DMRTA1: variants seen among roughly 807,000 people sequenced by gnomAD.
DMRTA1 encodes DMRT like family A1.
Under a neutral mutation model 35.2 loss-of-function variants are expected in DMRTA1, and 34 were observed. That is an observed-to-expected ratio of 0.97 (90% CI 0.74 to 1.29). The LOEUF (loss-of-function observed/expected upper bound fraction) is 1.29, where lower values mean the gene tolerates loss of function less well. Ranked by LOEUF, DMRTA1 falls within the 50% of genes most tolerant of loss-of-function variation. The pLI, the probability that DMRTA1 is intolerant of heterozygous loss-of-function variation, is 0.00. For missense variants in DMRTA1, 824 were observed against 644.6 expected (o/e 1.28, Z -3.01); for synonymous variants, 344 against 276.6 (o/e 1.24, Z -2.42).
At chr9:22,449,421 A>T (rs1178505595) in intron 1 of DMRTA1, among the ~76,000 whole-genome samples, 4 of 152,228 alleles carry the variant, frequency 2.6e-5, no homozygotes, top group Non-Finnish European at 5.9e-5. Context: ...TATAAGTGGT[A>T]TTATATTTTA....
At chr9:22,449,351 A>G (rs997095131) in intron 1 of DMRTA1, among the ~76,000 whole-genome samples, 3 of 152,228 alleles carry the variant, frequency 2.0e-5, no homozygotes, top group Non-Finnish European at 4.4e-5. Flanking sequence ...GGCTTAATAT[A>G]CAATGATAAA....
rs1447897564 is a variant in DMRTA1, at chr9:22,451,587, A to G, written c.1191A>G (p.Gly397=). The change falls in exon 2 of 2, where the codon GGA becomes GGG. Residue 397 remains glycine (G), a synonymous_variant. Transcript: ENST00000325870. ...GAGCTTCAAGTTTTAGTCTTGCTGG[A>G]ATTGGTTTTGGAACTCTAGGTAATA... is the stretch of plus-strand genomic sequence containing the variant. ...FQRASSFSLA[G]IGFGTLGNKS... is the part of the protein sequence containing the mutation. 1.9e-6 allele frequency: 3 copies of G among 1,614,004 alleles called. No homozygotes were observed. In the East Asian group the frequency reaches 6.7e-5, roughly 36 times the overall value.
chr9:22,448,936 T>TAAGTAAAAGTGCTATGAAAGAG (rs1377834829), intron 1 of DMRTA1, among the ~76,000 whole-genome samples: 4 of 152,332 alleles, frequency 2.6e-5, no homozygotes, highest in Non-Finnish European at 5.9e-5. Flanking sequence ...GCACAGTTAT[T>TAAGTAAAAGTGCTATGAAAGAG]AAGTAAAAGT....
Position 22,451,726 on chromosome 9 carries a change from G to A in DMRTA1, c.1330G>A (p.Ala444Thr). ...ISPLRLAYSS[A>T]GRGLSGFMSP... ...TCCATTAAGGCTGGCATATTCTTCT[G>A]CAGGAAGAGGGTTATCTGGTTTTAT... Residue 444 changes from alanine (A) to threonine (T), a missense_variant, in exon 2 of 2, where the codon GCA becomes ACA. Physicochemically the swap from Ala to Thr is moderately conservative, Grantham distance 58. Transcript: ENST00000325870. 6.2e-7 allele frequency: 1 copy of A among 1,614,090 alleles called. No individual in the cohort carries two copies. The highest frequency in any genetic ancestry group is 8.5e-7 in the Non-Finnish European group (1 of 1,179,936).
intron 1 of DMRTA1, among the ~76,000 whole-genome samples, chr9:22,449,774 G>C (rs1430526013): frequency 6.6e-6 from 1 of 151,948 alleles, no homozygotes; most frequent in Admixed American, 6.6e-5. Context: ...ACAGCATTTT[G>C]AACTTCAAAA....
chr9:22,454,107 T>C lies in DMRTA1; in HGVS notation c.*2196T>C, dbSNP rs1818973243. On this transcript the variant is annotated 3_prime_UTR_variant, in exon 2 of 2. Transcript: ENST00000325870. ...ACATTCCATACTCTTTATAATAATTTAAGGACTTAATCTTATCAAATAGGT... is the reference window on the plus strand; with the variant it reads ...ACATTCCATACTCTTTATAATAATTCAAGGACTTAATCTTATCAAATAGGT... The C allele has an allele frequency of 6.6e-6, 1 of 152,092 alleles. No homozygotes were observed. The highest frequency in any genetic ancestry group is 2.1e-4 in the South Asian group (1 of 4,828). 9.4% of individuals were successfully genotyped at this position (152,092 alleles called of 1,614,324 possible).
intron 1 of DMRTA1, among the ~76,000 whole-genome samples, chr9:22,448,466 C>T (rs946473295): frequency 1.3e-5 from 2 of 152,078 alleles, no homozygotes; most frequent in African/African-American, 4.8e-5. Flanking sequence ...GGTTTTTTAT[C>T]CAAGGAGTTT....
At position 22,455,613 on chromosome 9, in the gene DMRTA1, G is replaced by C. The variant is rs1818993384; in HGVS notation, c.*3702G>C. On this transcript the variant is annotated 3_prime_UTR_variant, in exon 2 of 2. Coordinates refer to ENST00000325870, the MANE Select transcript of DMRTA1 (RefSeq NM_022160.3). ...CAGCCATCACTAGAGCAGCGTACAG[G>C]CTTAGTTCCAGACTTCGTGTTTGGT... 6.6e-6 allele frequency: 1 copy of C among 152,176 alleles called. No individual in the cohort carries two copies. Among genetic ancestry groups the C allele is most frequent in the Non-Finnish European group, 1.5e-5 (1 of 68,038 alleles). The allele number at this position is 152,176 out of a possible 1,614,324, so 9.4% of individuals were successfully genotyped here. A position where few individuals can be genotyped will look rare whatever the true frequency, so the allele number is the denominator to read the frequency against.
At position 22,447,401 on chromosome 9, in the gene DMRTA1, C is replaced by G. The variant is rs1198824214; in HGVS notation, c.336C>G (p.His112Gln). ...NHGVVSALKG[H>Q]KRFCRWRDCA... ...GTGTGGTGTCAGCGCTCAAGGGCCA[C>G]AAGCGCTTCTGCCGCTGGCGGGACT... The change falls in exon 1 of 2, where the codon CAC becomes CAG. Residue 112 changes from histidine to glutamine, a missense_variant. His to Gln is a conservative substitution (Grantham distance 24, BLOSUM62 0). Transcript: ENST00000325870. 3 of 1,554,516 alleles carry G rather than the reference C, an allele frequency of 1.9e-6. No individual in the cohort carries two copies. The highest frequency in any genetic ancestry group is 2.6e-6 in the Non-Finnish European group (3 of 1,151,712).
rs961189914 is a variant in DMRTA1, at chr9:22,452,504, A to G, written c.*593A>G. 1 of 152,198 alleles carries G rather than the reference A, an allele frequency of 6.6e-6. No homozygotes were observed. The highest frequency in any genetic ancestry group is 2.4e-5 in the African/African-American group (1 of 41,450). 9.4% of individuals were successfully genotyped at this position (152,198 alleles called of 1,614,324 possible). On this transcript the variant is annotated 3_prime_UTR_variant, in exon 2 of 2. Coordinates refer to ENST00000325870, the MANE Select transcript of DMRTA1 (RefSeq NM_022160.3). ...ATATTTCCTGAGTATTTTATTTTTC[A>G]ATCTTAGCTTCCATGAGTGAAAACA... is the stretch of plus-strand genomic sequence containing the variant.
Position 22,451,255 on chromosome 9 carries a change from G to A in DMRTA1, c.859G>A (p.Gly287Arg), listed in dbSNP as rs1348629710. 4.3e-6 allele frequency: 7 copies of A among 1,613,972 alleles called. No homozygotes were observed. Among genetic ancestry groups the A allele is most frequent in the South Asian group, 1.1e-5 (1 of 91,082 alleles). ...ILSPHPGEQSGGEESPRSLSS... is the reference protein window; with the variant it reads ...ILSPHPGEQSRGEESPRSLSS... ...GTCTCCTCATCCTGGAGAGCAATCA[G>A]GAGGTGAAGAGAGTCCCAGGTCCTT... Residue 287 changes from glycine to arginine, a missense_variant, in exon 2 of 2, where the codon GGA (glycine) becomes AGA (arginine). By Grantham distance (125) the Gly-to-Arg change is moderately radical (BLOSUM62 -2). Transcript: ENST00000325870.
chr9:22,447,884 A>G (rs1818864850), intron 1 of DMRTA1, 152 bp downstream of exon 1: 1 of 894,692 alleles, frequency 1.1e-6, no homozygotes, highest in Non-Finnish European at 1.7e-6. Context: ...ATGGACATTA[A>G]TGAGAGTGTG....
chr9:22,452,504 A>T lies in DMRTA1; in HGVS notation c.*593A>T, dbSNP rs961189914. The T allele has an allele frequency of 2.0e-5, 3 of 152,198 alleles. No homozygotes were observed. The highest frequency in any genetic ancestry group is 7.2e-5 in the African/African-American group (3 of 41,450). 9.4% of individuals were successfully genotyped at this position (152,198 alleles called of 1,614,324 possible). On this transcript the variant is annotated 3_prime_UTR_variant, in exon 2 of 2. Transcript: ENST00000325870. ...ATATTTCCTGAGTATTTTATTTTTC[A>T]ATCTTAGCTTCCATGAGTGAAAACA...
chr9:22,447,134 A>T lies in DMRTA1; in HGVS notation c.69A>T (p.Leu23=). 6 of 1,605,818 alleles carry T rather than the reference A, an allele frequency of 3.7e-6. No individual in the cohort carries two copies. Among genetic ancestry groups the T allele is most frequent in the Non-Finnish European group, 5.1e-6 (6 of 1,177,170 alleles). Residue 23 remains leucine (L), a synonymous_variant, in exon 1 of 2, where the codon CTA becomes CTT. Coordinates refer to ENST00000325870, the MANE Select transcript of DMRTA1 (RefSeq NM_022160.3). The part of the protein sequence containing the change: ...VSGRPHLAPG[L]VVAAPPPPSP... The stretch of plus-strand genomic sequence containing the variant: ...GCCGACCTCACTTGGCCCCTGGGCT[A>T]GTGGTGGCTGCCCCTCCGCCCCCGT...
Position 22,447,152 on chromosome 9 carries a change from G to A in DMRTA1, c.87G>A (p.Pro29=). 6.2e-7 allele frequency: 1 copy of A among 1,601,508 alleles called. No homozygotes were observed. Among genetic ancestry groups the A allele is most frequent in the Middle Eastern group, 1.7e-4 (1 of 6,016 alleles). The change falls in exon 1 of 2, where the codon CCG becomes CCA. Residue 29 remains proline, a synonymous_variant. Transcript: ENST00000325870. ...CTGGGCTAGTGGTGGCTGCCCCTCCGCCCCCGTCCCCGGCGTTGCCGGTAC... is the reference window on the plus strand; with the variant it reads ...CTGGGCTAGTGGTGGCTGCCCCTCCACCCCCGTCCCCGGCGTTGCCGGTAC... ...LAPGLVVAAP[P]PPSPALPVPS...
At position 22,451,082 on chromosome 9, in the gene DMRTA1, G is replaced by A; in HGVS notation, c.686G>A (p.Cys229Tyr). The A allele has an allele frequency of 6.2e-7, 1 of 1,612,468 alleles. No homozygotes were observed. Among genetic ancestry groups the A allele is most frequent in the South Asian group, 1.1e-5 (1 of 90,956 alleles). Residue 229 changes from cysteine (C) to tyrosine (Y), a missense_variant, in exon 2 of 2, where the codon TGT becomes TAT. Cys to Tyr is a radical substitution (Grantham distance 194, BLOSUM62 -2). Transcript: ENST00000325870. The part of the protein sequence containing the change: ...EEKQEQKESK[C>Y]ESCQNGQEEL... ...TCTCCAGAACAAAAAGAGAGTAAAT[G>A]TGAGTCATGCCAGAATGGACAAGAA...
Position 22,451,048 on chromosome 9 carries a change from T to A in DMRTA1, c.668-16T>A, listed in dbSNP as rs1038599209. 2 of 1,594,018 alleles carry A rather than the reference T, an allele frequency of 1.3e-6. No individual in the cohort carries two copies. Among genetic ancestry groups the A allele is most frequent in the East Asian group, 4.5e-5 (2 of 44,700 alleles). ...GTCTTCCCTGTATTTGATTTTTTTT[T>A]CCCCCTCTTCTCCAGAACAAAAAGA... On this transcript the variant is annotated splice_polypyrimidine_tract_variant and intron_variant, in intron 1 of 1. Transcript: ENST00000325870.
rs1026905657 is a variant in DMRTA1 at position 22,454,322 on chromosome 9, A to G, written c.*2411A>G. ...TTCATGGCCTTGAACAGTGTCTGAT[A>G]TAGGTTCTCAACCTATACACTAGAT... On this transcript the variant is annotated 3_prime_UTR_variant, in exon 2 of 2. Coordinates refer to ENST00000325870, the MANE Select transcript of DMRTA1 (RefSeq NM_022160.3). The G allele has an allele frequency of 1.3e-5, 2 of 152,114 alleles. No individual in the cohort carries two copies. Among genetic ancestry groups the G allele is most frequent in the Non-Finnish European group, 2.9e-5 (2 of 67,972 alleles). The allele number at this position is 152,114 out of a possible 1,614,324, so 9.4% of individuals were successfully genotyped here.
chr9:22,451,185 CG>C lies in DMRTA1; in HGVS notation c.792del (p.Ser265HisfsTer48). On this transcript the variant is annotated frameshift_variant, in exon 2 of 2. Coordinates refer to ENST00000325870, the MANE Select transcript of DMRTA1 (RefSeq NM_022160.3). LOFTEE classifies it high-confidence loss of function. ...ATGGTGTCATTGGGAAACAAAGTAT[CG>C]GGTCATCTATTTCAGAATACTCCAA... is the stretch of plus-strand genomic sequence containing the variant. ...SNGVIGKQSI[G>X]SSISEYSNKP... 1.2e-6 allele frequency: 2 copies of C among 1,614,080 alleles called. No homozygotes were observed. The highest frequency in any genetic ancestry group is 1.7e-6 in the Non-Finnish European group (2 of 1,179,970).
Sources: gnomAD v4.1 joint callset for allele counts (sites outside exome capture counted in the v4.1 genomes callset) on GRCh38, gnomAD v4.1.1 for gene constraint, MANE v1.5 for transcripts, NCBI Gene and HGNC (gene_info 2026-07-23, HGNC 2026-07-21) for gene names.